MATR3: variants seen among roughly 807,000 people sequenced by gnomAD.
The protein encoded by MATR3 is matrin-3.
In MATR3, 4 loss-of-function variants were observed where a neutral mutation model predicts 85.5. The observed-to-expected ratio is 0.05, with a 90% CI of 0.02 to 0.11. The LOEUF is 0.11. Ranked by LOEUF, MATR3 falls within the 10% of genes least tolerant of loss-of-function variation. The pLI is 1.00. For synonymous variants in MATR3, 336 were observed against 343.1 expected, an observed-to-expected ratio of 0.98 and a Z score of 0.23; for missense variants, 685 against 1,016.1, an observed-to-expected ratio of 0.67 and a Z score of 4.43.
chr5:139,310,202 CTA>C (rs1754899766), intron 2 of MATR3: 1 of 152,072 alleles, frequency 6.6e-6, no homozygotes, highest in Non-Finnish European at 1.5e-5. Context: ...TTTGATGAAA[CTA>C]TGGATTCAAG....
At position 139,275,273 on chromosome 5, in the gene MATR3, A is replaced by C. The variant is rs145263945; in HGVS notation, c.-286-848A>C. On this transcript the variant is annotated intron_variant, in intron 1 of 16. Transcript: ENST00000509990. Reference sequence around the variant, plus strand: ...CAGCCTCCCAAAGTGCTGGGATTACAGGCGTGAGCCACCGCGCCCGGCCTA... The same window carrying C: ...CAGCCTCCCAAAGTGCTGGGATTACCGGCGTGAGCCACCGCGCCCGGCCTA... Among the ~76,000 whole-genome samples the C allele has an allele frequency of 6.2e-3, 923 of 149,898 alleles. 8 individuals are homozygous for C. The highest frequency in any genetic ancestry group is 0.022 in the African/African-American group (881 of 40,604).
chr5:139,288,238 A>G (rs530553448), intron 3 of MATR3, among the ~76,000 whole-genome samples: 7 of 152,116 alleles, frequency 4.6e-5, no homozygotes, highest in Non-Finnish European at 8.8e-5. Flanking sequence ...ACAAACAAAA[A>G]CCAAACTTTT....
chr5:139,324,212 A>G (rs927418734), intron 12 of MATR3, among the ~76,000 whole-genome samples: 3 of 152,050 alleles, frequency 2.0e-5, no homozygotes, highest in Non-Finnish European at 4.4e-5. Flanking sequence ...AAATATGGAG[A>G]AGTTAAATAA....
intron 3 of MATR3, among the ~76,000 whole-genome samples, chr5:139,287,375 T>C (rs904096253): frequency 2.0e-5 from 3 of 152,196 alleles, no homozygotes; most frequent in African/African-American, 7.2e-5. Flanking sequence ...TCCTACCACT[T>C]TGGGAGGCCA....
intron 1 of MATR3, chr5:139,274,183 A>G (rs1753177444): frequency 2.5e-6 from 1 of 403,946 alleles, no homozygotes; most frequent in Non-Finnish European, 4.8e-6. Context: ...CCCAGAGGGG[A>G]GAGTCCTTGG....
At position 139,318,976 on chromosome 5, in the gene MATR3, G is replaced by A. The variant is rs147356202; in HGVS notation, c.1377G>A (p.Ala459=). 34 of 1,613,636 alleles carry A rather than the reference G, an allele frequency of 2.1e-5. No individual in the cohort carries two copies. In the African/African-American group the frequency reaches 4.0e-4, roughly 19 times the overall value. The change falls in exon 8 of 15, where the codon GCG becomes GCA. Residue 459 remains alanine, a synonymous_variant. Coordinates refer to ENST00000394805, the MANE Select transcript of MATR3 (RefSeq NM_018834.6). ...TGGATTATTACACAACCACACCAGC[G>A]TTAGTATTTGGCAAGCCAGTGAGAG... is the stretch of plus-strand genomic sequence containing the variant. ...AAVDYYTTTP[A]LVFGKPVRVH... is the part of the protein sequence containing the mutation.
chr5:139,307,895 A>G lies in MATR3; in HGVS notation c.480A>G (p.Arg160=). 1 of 1,614,132 alleles carries G rather than the reference A, an allele frequency of 6.2e-7. No homozygotes were observed. Among genetic ancestry groups the G allele is most frequent in the South Asian group, 1.1e-5 (1 of 91,078 alleles). ...AAGGCCCTACCTTGAGTTATGGTAG[A>G]GATGGCAGATCTGCTACACGGGAGC... is the stretch of plus-strand genomic sequence containing the variant. ...TEEGPTLSYG[R]DGRSATREPP... is the part of the protein sequence containing the mutation. The change falls in exon 2 of 15, where the codon AGA becomes AGG. Residue 160 remains arginine (R), a synonymous_variant. Coordinates refer to ENST00000394805, the MANE Select transcript of MATR3 (RefSeq NM_018834.6). This position sits in a 1 kb window ranked among gnomAD's most constrained non-coding sequence, Gnocchi z 4.4.
rs58123057 is a variant in MATR3, at chr5:139,319,860, CTTTT to C, written c.1602+384_1602+387del. On this transcript the variant is annotated intron_variant, in intron 9 of 14. Coordinates refer to ENST00000394805, the MANE Select transcript of MATR3 (RefSeq NM_018834.6). ...CTCCCAACTCAAAAAAAAAAATTTG[CTTTT>C]TTTTTTTTTTTTTTTTTTTTTTTTA... Among the ~76,000 whole-genome samples, 343 of 44,150 alleles carry C rather than the reference CTTTT, an allele frequency of 7.8e-3. 6 individuals carry two copies. The highest frequency in any genetic ancestry group is 0.024 in the African/African-American group (309 of 12,840). The allele number at this position is 44,150 out of a possible 152,430, so 29.0% of individuals were successfully genotyped here. A position where few individuals can be genotyped will look rare whatever the true frequency, so the allele number is the denominator to read the frequency against.
chr5:139,290,376 C>T (rs1753832607), upstream of MATR3, among the ~76,000 whole-genome samples: 1 of 149,464 alleles, frequency 6.7e-6, no homozygotes, highest in South Asian at 2.1e-4. Flanking sequence ...AACTCCTGAC[C>T]TCAAACGATC....
At chr5:139,324,112 T>C (rs888961308) in intron 12 of MATR3, among the ~76,000 whole-genome samples, 2 of 152,108 alleles carry the variant, frequency 1.3e-5, no homozygotes, top group Non-Finnish European at 2.9e-5. Context: ...ATGCCATACG[T>C]TTTTCTAAGT....
In MATR3 at chr5:139,330,126, T is replaced by G; in HGVS notation, c.*731T>G. The G allele has an allele frequency of 2.2e-6, 1 of 454,558 alleles. No homozygotes were observed. Among genetic ancestry groups the G allele is most frequent in the South Asian group, 1.6e-5 (1 of 64,484 alleles). The allele number at this position is 454,558 out of a possible 1,614,324, so 28.2% of individuals were successfully genotyped here. A position where few individuals can be genotyped will look rare whatever the true frequency, so the allele number is the denominator to read the frequency against. ...ACTGCTTGTCACTTGAATCCCGTGA[T>G]TGTCATACATCTCTGGTATAAGCAA... On this transcript the variant is annotated 3_prime_UTR_variant, in exon 15 of 15. Transcript: ENST00000394805.
At chr5:139,324,946 C>G (rs1343263684) in intron 12 of MATR3, among the ~76,000 whole-genome samples, 1 of 151,998 alleles carries the variant, frequency 6.6e-6, no homozygotes, top group Non-Finnish European at 1.5e-5. Flanking sequence ...AATCCTAGCA[C>G]TTTGGGAGGC....
At chr5:139,277,456 A>T (rs537654202) in intron 2 of MATR3, among the ~76,000 whole-genome samples, 1 of 152,288 alleles carries the variant, frequency 6.6e-6, no homozygotes, top group Admixed American at 6.5e-5. Context: ...CATTCCCTTA[A>T]TAGGATTCTC....
At position 139,319,743 on chromosome 5, in the gene MATR3, T is replaced by C. The variant is rs565889319; in HGVS notation, c.1602+242T>C. Among the ~76,000 whole-genome samples the C allele has an allele frequency of 9.9e-4, 150 of 150,946 alleles. 3 individuals carry two copies. The Middle Eastern group carries it at 0.011, about 11-fold the overall frequency. Reference sequence around the variant, plus strand: ...CTGTAATCCCAGCTACTTGGGAGGCTGAGGCAGGAGAATTGCTTAACTGGC... The same window carrying C: ...CTGTAATCCCAGCTACTTGGGAGGCCGAGGCAGGAGAATTGCTTAACTGGC... On this transcript the variant is annotated intron_variant, in intron 9 of 14. Transcript: ENST00000394805.
chr5:139,325,530 T>C lies in MATR3; in HGVS notation c.2239T>C (p.Ser747Pro). The C allele has an allele frequency of 6.2e-7, 1 of 1,614,200 alleles. No homozygotes were observed. Among genetic ancestry groups the C allele is most frequent in the Non-Finnish European group, 8.5e-7 (1 of 1,180,032 alleles). The change falls in exon 13 of 15, where the codon TCT (serine) becomes CCT (proline). Residue 747 changes from serine (S) to proline (P), a missense_variant. Physicochemically the swap from Ser to Pro is moderately conservative, Grantham distance 74 (BLOSUM62 -1). Around this residue, in one of 9 missense-constraint regions of MATR3, gnomAD observed 215 missense variants for 194.7 expected, o/e 1.10. Coordinates refer to ENST00000394805, the MANE Select transcript of MATR3 (RefSeq NM_018834.6). ...NEENTEPGAESSENADDPNKD... is the reference protein window; with the variant it reads ...NEENTEPGAEPSENADDPNKD... ...GGAAAACACAGAACCAGGTGCTGAA[T>C]CTTCTGAGAACGCTGATGATCCCAA...
At position 139,331,642 on chromosome 5, in the gene MATR3, C is replaced by A. The variant is rs909899439; in HGVS notation, c.*2247C>A. On this transcript the variant is annotated 3_prime_UTR_variant, in exon 15 of 15. Coordinates refer to ENST00000394805, the MANE Select transcript of MATR3 (RefSeq NM_018834.6). Reference sequence around the variant, plus strand: ...GCCCTTAGTTTAATCTTACATTATCCTACAAAAGTGAATGAAACTTCTAGA... The same window carrying A: ...GCCCTTAGTTTAATCTTACATTATCATACAAAAGTGAATGAAACTTCTAGA... The A allele has an allele frequency of 1.3e-5, 6 of 448,642 alleles. No individual in the cohort carries two copies. The highest frequency in any genetic ancestry group is 1.2e-4 in the African/African-American group (6 of 49,664). 27.8% of individuals were successfully genotyped at this position (448,642 alleles called of 1,614,324 possible).
chr5:139,331,517 T>C lies in MATR3; in HGVS notation c.*2122T>C, dbSNP rs1016791905. 2 of 454,028 alleles carry C rather than the reference T, an allele frequency of 4.4e-6. No individual in the cohort carries two copies. The highest frequency in any genetic ancestry group is 8.8e-6 in the Non-Finnish European group (2 of 226,804). The allele number at this position is 454,028 out of a possible 1,614,324, so 28.1% of individuals were successfully genotyped here. A position where few individuals can be genotyped will look rare whatever the true frequency, so the allele number is the denominator to read the frequency against. On this transcript the variant is annotated 3_prime_UTR_variant, in exon 15 of 15. Transcript: ENST00000394805. ...TATAATAAGCTGTTAGTGATAAATC[T>C]GTAACAGCCCTTCGATTACGAGAAA...
In MATR3 at chr5:139,322,473, G is replaced by A; in HGVS notation, c.1745G>A (p.Arg582Lys). Residue 582 changes from arginine to lysine, a missense_variant, in exon 11 of 15, where the codon AGA becomes AAA. Transcript: ENST00000394805. ...ACTTTTGTCTTTTAGATTCCAAACA[G>A]AGGCATTGATTTACTGAAAAAAGAT... ...YKKLVLRIPN[R>K]GIDLLKKDKS... The A allele has an allele frequency of 1.2e-6, 2 of 1,613,994 alleles. No homozygotes were observed. The highest frequency in any genetic ancestry group is 1.7e-6 in the Non-Finnish European group (2 of 1,179,906).
At chr5:139,327,088 A>G (rs1316149621) in intron 14 of MATR3, among the ~76,000 whole-genome samples, 4 of 152,230 alleles carry the variant, frequency 2.6e-5, no homozygotes, top group Non-Finnish European at 4.4e-5. Context: ...TTGTTTTTGT[A>G]ATTATCAGCT....
Sources: allele counts gnomAD v4.1 joint callset (sites outside exome capture counted in the v4.1 genomes callset), GRCh38; gene constraint gnomAD v4.1.1; regional missense constraint gnomAD v4.1.1; non-coding constraint Gnocchi (gnomAD v3.1); transcripts MANE v1.5; gene names NCBI Gene and HGNC (gene_info 2026-07-23, HGNC 2026-07-21).